The following SHTN1 variants were observed in gnomAD, a reference collection of about 807,000 sequenced individuals.
The protein encoded by SHTN1 is shootin-1.
In SHTN1, 42 loss-of-function variants were observed where a neutral mutation model predicts 83.1. That is an observed-to-expected ratio of 0.51 (90% CI 0.39 to 0.65). The LOEUF is 0.65. Among genes scored for constraint, SHTN1 ranks in the 30% least tolerant of loss-of-function variants. The pLI is 0.00. For missense variants in SHTN1, 622 were observed against 737.8 expected, an observed-to-expected ratio of 0.84 and a Z score of 1.82; for synonymous variants, 224 against 247.7, an observed-to-expected ratio of 0.90 and a Z score of 0.90.
intron 15 of SHTN1, among the ~76,000 whole-genome samples, chr10:116,905,791 T>C (rs1847944802): frequency 6.6e-6 from 1 of 152,244 alleles, no homozygotes; most frequent in African/African-American, 2.4e-5. Flanking sequence ...AGGTAGTTTT[T>C]TGAAGTCGGC....
At chr10:117,114,980 T>A (rs1371356493) in intron 1 of SHTN1, among the ~76,000 whole-genome samples, 1 of 152,156 alleles carries the variant, frequency 6.6e-6, no homozygotes, top group Non-Finnish European at 1.5e-5. Context: ...TCTCTTCCCA[T>A]CTCTGTGCCA....
intron 13 of SHTN1, among the ~76,000 whole-genome samples, chr10:116,915,081 A>G (rs1181601589): frequency 6.6e-6 from 1 of 152,234 alleles, no homozygotes; most frequent in Non-Finnish European, 1.5e-5. Flanking sequence ...TCAGGAATCA[A>G]AGAAAAGAAA....
intron 1 of SHTN1, among the ~76,000 whole-genome samples, chr10:117,064,604 G>A (rs1852946911): frequency 6.7e-6 from 1 of 150,348 alleles, no homozygotes; most frequent in African/African-American, 2.4e-5. Flanking sequence ...GTAGTGAGCC[G>A]AGATCGTGCC....
At chr10:116,937,108 T>G (rs1012861468) in intron 9 of SHTN1, among the ~76,000 whole-genome samples, 6 of 152,174 alleles carry the variant, frequency 3.9e-5, no homozygotes, top group African/African-American at 1.4e-4. Flanking sequence ...GTCTTGACTC[T>G]TTATCCAATT....
chr10:117,032,597 A>C (rs1018222885), intron 2 of SHTN1, among the ~76,000 whole-genome samples: 2 of 152,222 alleles, frequency 1.3e-5, no homozygotes, highest in East Asian at 3.8e-4. Flanking sequence ...GTACAATAAT[A>C]GCTGGAGAAT....
chr10:116,960,466 A>G, intron 3 of SHTN1: 1 of 376,578 alleles, frequency 2.7e-6, no homozygotes, highest in Non-Finnish European at 4.8e-6. Flanking sequence ...ACATTTTATT[A>G]TGTACATTTT....
chr10:116,903,802 A>G (rs527581081), intron 15 of SHTN1, among the ~76,000 whole-genome samples: 25 of 152,330 alleles, frequency 1.6e-4, no homozygotes, highest in African/African-American at 5.8e-4. Flanking sequence ...AAAGGAAGGC[A>G]ATTAGTGAGC....
At chr10:116,998,527 ATAAAT>A (rs1432926463) in intron 1 of SHTN1, among the ~76,000 whole-genome samples, 2 of 152,224 alleles carry the variant, frequency 1.3e-5, no homozygotes, top group African/African-American at 4.8e-5. Context: ...TGCCTAACTT[ATAAAT>A]TAAACTTTAT....
At chr10:116,962,049 C>CG (rs1466814908) in intron 3 of SHTN1, among the ~76,000 whole-genome samples, 2 of 121,932 alleles carry the variant, frequency 1.6e-5, no homozygotes, top group Non-Finnish European at 1.7e-5. Context: ...GCTCCCCCCC[C>CG]CTTCCACATC....
chr10:116,911,534 G>A, intron 14 of SHTN1: 1 of 1,550,532 alleles, frequency 6.4e-7, no homozygotes, highest in Non-Finnish European at 8.7e-7. Flanking sequence ...CAGGATTGGA[G>A]GGCAAGAACA....
At chr10:116,929,227 CAG>C (rs966276086) in intron 10 of SHTN1, among the ~76,000 whole-genome samples, 3 of 152,164 alleles carry the variant, frequency 2.0e-5, no homozygotes, top group African/African-American at 7.2e-5. Flanking sequence ...GACCTTCCAA[CAG>C]AGACTTACAC....
At chr10:116,932,503 T>C (rs897016046) in intron 9 of SHTN1, among the ~76,000 whole-genome samples, 1 of 152,168 alleles carries the variant, frequency 6.6e-6, no homozygotes, top group Non-Finnish European at 1.5e-5. Flanking sequence ...AAAATTGTCT[T>C]CCACGAAACT....
At position 116,951,099 on chromosome 10, in the gene SHTN1, T is replaced by C. The variant is rs562572843; in HGVS notation, c.534+810A>G. 7.5e-4 allele frequency among the ~76,000 whole-genome samples: 114 copies of C among 152,176 alleles called. 2 individuals are homozygous for C. In the South Asian group the frequency reaches 0.022, roughly 29 times the overall value. On this transcript the variant is annotated intron_variant, in intron 6 of 16. Coordinates refer to ENST00000355371, the MANE Select transcript of SHTN1 (RefSeq NM_001127211.3). ...GAAGCCTCGTGCAAATAAAAGGCAA[T>C]TGTGAGGGTCTTGTTCTGAAAGACA... is the stretch of plus-strand genomic sequence containing the variant.
At chr10:117,016,095 G>T (rs1852176614) in intron 2 of SHTN1, among the ~76,000 whole-genome samples, 1 of 152,162 alleles carries the variant, frequency 6.6e-6, no homozygotes, top group African/African-American at 2.4e-5. Context: ...TGAAAGAATA[G>T]CATTCTTATA....
chr10:117,084,681 T>C (rs1349273069), intron 1 of SHTN1, among the ~76,000 whole-genome samples: 5 of 152,020 alleles, frequency 3.3e-5, no homozygotes, highest in African/African-American at 1.2e-4. Context: ...GTGCTAGCAA[T>C]CAGCGAGACT....
At chr10:116,972,312 G>A (rs940806443) in intron 2 of SHTN1, among the ~76,000 whole-genome samples, 2 of 152,164 alleles carry the variant, frequency 1.3e-5, no homozygotes, top group Admixed American at 1.3e-4. Context: ...GCTAGAACTG[G>A]CAGCCACAGA....
At chr10:117,005,197 T>TCCGCTC, upstream of SHTN1, 3 of 1,528,682 alleles carry the variant, frequency 2.0e-6, no homozygotes, top group South Asian at 1.2e-5. Flanking sequence ...GGAAGTTGGA[T>TCCGCTC]CCGCTCCCGC....
chr10:117,003,079 T>C (rs1209494560), intron 1 of SHTN1, among the ~76,000 whole-genome samples: 2 of 152,104 alleles, frequency 1.3e-5, no homozygotes, highest in East Asian at 3.8e-4. Context: ...CCCTTGATTA[T>C]ACAAGAAATG....
At chr10:116,993,466 T>C (rs868699549) in intron 1 of SHTN1, among the ~76,000 whole-genome samples, 3 of 152,324 alleles carry the variant, frequency 2.0e-5, no homozygotes, top group Middle Eastern at 3.4e-3. Context: ...CCAAATACTT[T>C]TCAGGTTCAC....
Sources: gnomAD v4.1 joint callset for allele counts (sites outside exome capture counted in the v4.1 genomes callset) on GRCh38, gnomAD v4.1.1 for gene constraint, MANE v1.5 for transcripts, NCBI Gene and HGNC (gene_info 2026-07-23, HGNC 2026-07-21) for gene names.